Variants in EIF2AK1 observed in about 807,000 individuals in gnomAD.
EIF2AK1 encodes the protein eukaryotic translation initiation factor 2-alpha kinase 1.
Under a neutral mutation model 77.9 loss-of-function variants are expected in EIF2AK1, and 54 were observed. The observed-to-expected ratio is 0.69, with a 90% confidence interval of 0.56 to 0.87. The LOEUF is 0.87. Ranked by LOEUF, EIF2AK1 falls within the 40% of genes least tolerant of loss-of-function variation. EIF2AK1 has a pLI of 0.00. For missense variants in EIF2AK1, 810 were observed against 768.6 expected (o/e 1.05, Z -0.64); for synonymous variants, 314 against 290.5 (o/e 1.08, Z -0.82).
In EIF2AK1 at chr7:6,046,017, C is replaced by G. The variant is rs1788435639; in HGVS notation, c.630+54G>C. The G allele has an allele frequency of 4.0e-6, 5 of 1,249,046 alleles. 1 individual carries two copies. The South Asian group carries it at 5.7e-5, about 14-fold the overall frequency. The allele number at this position is 1,249,046 out of a possible 1,614,324, so 77.4% of individuals were successfully genotyped here. On this transcript the variant is annotated intron_variant, in intron 6 of 14. Transcript: ENST00000199389. The stretch of plus-strand genomic sequence containing the variant: ...TACACATATACATGTATAACTCTTT[C>G]AAAAAGAACTAAATACACAATTATT...
At chr7:6,040,542 A>T (rs1788266156) in intron 9 of EIF2AK1, among the ~76,000 whole-genome samples, 2 of 152,176 alleles carry the variant, frequency 1.3e-5, no homozygotes, top group Non-Finnish European at 2.9e-5. Flanking sequence ...ACTGGGACTC[A>T]CCTAAAGTCA....
chr7:6,049,701 A>C, intron 3 of EIF2AK1: 2 of 416,930 alleles, frequency 4.8e-6, no homozygotes, highest in Non-Finnish European at 8.3e-6. Flanking sequence ...ACCATGGCTC[A>C]CTGCAGCCTT....
intron 1 of EIF2AK1, among the ~76,000 whole-genome samples, chr7:6,055,830 T>C (rs1306187121): frequency 2.9e-5 from 4 of 138,656 alleles, no homozygotes; most frequent in Middle Eastern, 5.2e-3. Flanking sequence ...AAAAACAAAA[T>C]TAGCCAGGCG....
At position 6,036,322 on chromosome 7, in the gene EIF2AK1, A is replaced by T; in HGVS notation, c.1332+1102T>A. 1 of 1,542,748 alleles carries T rather than the reference A, an allele frequency of 6.5e-7. No individual in the cohort carries two copies. The highest frequency in any genetic ancestry group is 2.0e-5 in the Admixed American group (1 of 49,244). On this transcript the variant is annotated intron_variant, in intron 11 of 14. Transcript: ENST00000199389. This position sits in a 1 kb window ranked among gnomAD's most constrained non-coding sequence, Gnocchi z 4.6. ...GAGAAATACAAACAGCACTTGAAGC[A>T]ATTCCTCCCAGTGACAATATGGAAT...
At chr7:6,058,868 G>T in intron 1 of EIF2AK1, 98 bp downstream of exon 1, 1 of 1,123,602 alleles carries the variant, frequency 8.9e-7, no homozygotes, top group Non-Finnish European at 1.2e-6. Flanking sequence ...AGCCAAAGTC[G>T]CCCAGGTCCT....
chr7:6,039,380 G>C (rs374147033), intron 9 of EIF2AK1, among the ~76,000 whole-genome samples: 2 of 152,034 alleles, frequency 1.3e-5, no homozygotes, highest in South Asian at 4.1e-4. Context: ...CCAGCATCTT[G>C]GAAGGCCAAG....
rs1456118008 is a variant in EIF2AK1 at position 6,037,536 on chromosome 7, A to C, written c.1232-12T>G. ...CATAACATAAGGACCTTGAAGTAAA[A>C]AAAAATAGTTTTATTTCTCTAATTT... is the stretch of plus-strand genomic sequence containing the variant. On this transcript the variant is annotated splice_polypyrimidine_tract_variant and intron_variant, in intron 10 of 14. Coordinates refer to ENST00000199389, the MANE Select transcript of EIF2AK1 (RefSeq NM_014413.4). 6.5e-7 allele frequency: 1 copy of C among 1,548,750 alleles called. No homozygotes were observed. The highest frequency in any genetic ancestry group is 2.2e-5 in the East Asian group (1 of 44,540).
intron 2 of EIF2AK1, among the ~76,000 whole-genome samples, chr7:6,053,190 T>C (rs1404270439): frequency 2.0e-5 from 3 of 152,118 alleles, no homozygotes; most frequent in East Asian, 1.9e-4. Context: ...TATTTTTATT[T>C]TGTATTTTTA....
chr7:6,045,944 C>T (rs913091326), intron 6 of EIF2AK1, 127 bp downstream of exon 6: 40 of 550,916 alleles, frequency 7.3e-5, no homozygotes, highest in African/African-American at 6.8e-4. Context: ...TTACTATAAC[C>T]CCATTCCTAG....
intron 10 of EIF2AK1, among the ~76,000 whole-genome samples, chr7:6,038,040 G>A (rs1788154576): frequency 6.6e-6 from 1 of 152,038 alleles, no homozygotes; most frequent in Non-Finnish European, 1.5e-5. Context: ...ACAGCATATG[G>A]CCCAAAAAAT....
At chr7:6,029,093 T>C in intron 11 of EIF2AK1, 61 bp from the exon 12 acceptor site, 1 of 1,347,846 alleles carries the variant, frequency 7.4e-7, no homozygotes, top group Non-Finnish European at 1.0e-6. Context: ...TAATATCTTG[T>C]AAATGTTTTT....
Position 6,058,962 on chromosome 7 carries a change from T to C in EIF2AK1, c.118+4A>G. The C allele has an allele frequency of 6.5e-7, 1 of 1,529,680 alleles. No homozygotes were observed. The highest frequency in any genetic ancestry group is 8.8e-7 in the Non-Finnish European group (1 of 1,140,322). 94.8% of individuals were successfully genotyped at this position (1,529,680 alleles called of 1,614,324 possible). On this transcript the variant is annotated splice_donor_region_variant and intron_variant, in intron 1 of 14. Coordinates refer to ENST00000199389, the MANE Select transcript of EIF2AK1 (RefSeq NM_014413.4). The stretch of plus-strand genomic sequence containing the variant: ...AGCGGCGACGCCGCGATCCGATCCC[T>C]CACCGTCATATTCGGGGTCCGGGCC...
rs1177245010 is a variant in EIF2AK1, at chr7:6,036,836, C to T, written c.1332+588G>A. Among the ~76,000 whole-genome samples the T allele has an allele frequency of 6.6e-6, 1 of 152,084 alleles. No individual in the cohort carries two copies. The highest frequency in any genetic ancestry group is 6.6e-5 in the Admixed American group (1 of 15,248). On this transcript the variant is annotated intron_variant, in intron 11 of 14. Transcript: ENST00000199389. This position sits in a 1 kb window ranked among gnomAD's most constrained non-coding sequence, Gnocchi z 4.6. ...TGAGCATTTCTGTCAGCACTAAATACATTTAGCACCCCTGATTATAGCAGT... is the reference window on the plus strand; with the variant it reads ...TGAGCATTTCTGTCAGCACTAAATATATTTAGCACCCCTGATTATAGCAGT...
intron 1 of EIF2AK1, 141 bp downstream of exon 1, chr7:6,058,825 G>T: frequency 1.5e-6 from 1 of 660,462 alleles, no homozygotes; most frequent in Non-Finnish European, 2.4e-6. Context: ...CCCTCGCACT[G>T]CGCGGCTGGG....
chr7:6,043,188 C>T (rs28582685), intron 7 of EIF2AK1, among the ~76,000 whole-genome samples, 195 bp from the exon 8 acceptor site: 4,046 of 152,176 alleles, frequency 0.027, 198 homozygotes, highest in African/African-American at 0.093. Flanking sequence ...TGCAACTATA[C>T]GAGGGGTCAG....
rs765523133 is a variant in EIF2AK1, at chr7:6,035,761, T to A, written c.1332+1663A>T. The A allele has an allele frequency of 5.2e-6, 8 of 1,550,990 alleles. No individual in the cohort carries two copies. The South Asian group carries it at 9.5e-5, about 18-fold the overall frequency. On this transcript the variant is annotated intron_variant, in intron 11 of 14. Transcript: ENST00000199389. The surrounding 1 kb of genome is among the most constrained non-coding windows in gnomAD (Gnocchi z 5.5). ...ACACCCCTTCACATGGCCGCAAACA[T>A]GCTGAATAAGGAGATGATGGAAACG... is the stretch of plus-strand genomic sequence containing the variant.
In EIF2AK1 at chr7:6,059,134, C is replaced by T. The variant is rs566887515; in HGVS notation, c.-51G>A. On this transcript the variant is annotated 5_prime_UTR_variant, in exon 1 of 15. Coordinates refer to ENST00000199389, the MANE Select transcript of EIF2AK1 (RefSeq NM_014413.4). ...CAGCCCGCCGGCCAGCCCAGCACTG[C>T]CACACTCCGATGCTGCAGCTAGCGC... 15 of 1,210,142 alleles carry T rather than the reference C, an allele frequency of 1.2e-5. No individual in the cohort carries two copies. The Admixed American group carries it at 1.3e-4, about 10-fold the overall frequency. The allele number at this position is 1,210,142 out of a possible 1,614,324, so 75.0% of individuals were successfully genotyped here. A position where few individuals can be genotyped will look rare whatever the true frequency, so the allele number is the denominator to read the frequency against.
Position 6,054,628 on chromosome 7 carries a change from G to A in EIF2AK1, c.195C>T (p.Asn65=), listed in dbSNP as rs761526496. Residue 65 remains asparagine, a synonymous_variant, in exon 2 of 15, where the codon AAC becomes AAT. Transcript: ENST00000199389. ...CCAGCAAAGAAACCAGCAAGAGTTGGTTTGCAACTGCAAAAGGGAAGGTTG... is the reference window on the plus strand; with the variant it reads ...CCAGCAAAGAAACCAGCAAGAGTTGATTTGCAACTGCAAAAGGGAAGGTTG... ...QQPTFPFAVA[N]QLLLVSLLEH... is the part of the protein sequence containing the mutation. 1.9e-6 allele frequency: 3 copies of A among 1,614,160 alleles called. No individual in the cohort carries two copies. In the South Asian group the frequency reaches 3.3e-5, roughly 18 times the overall value.
intron 2 of EIF2AK1, among the ~76,000 whole-genome samples, chr7:6,054,108 C>A (rs938484540): frequency 2.6e-5 from 4 of 151,974 alleles, no homozygotes; most frequent in South Asian, 4.1e-4. Flanking sequence ...TCCTCCCAGC[C>A]TCTGGGAACC....
Sources: allele counts gnomAD v4.1 joint callset (sites outside exome capture counted in the v4.1 genomes callset), GRCh38; gene constraint gnomAD v4.1.1; non-coding constraint Gnocchi (gnomAD v3.1); transcripts MANE v1.5; gene names NCBI Gene and HGNC (gene_info 2026-07-23, HGNC 2026-07-21).